MICAL3: variants seen among roughly 807,000 people sequenced by gnomAD.
MICAL3 encodes the protein microtubule associated monooxygenase, calponin and LIM domain containing 3.
MICAL3 carries 62 observed loss-of-function variants against 207.4 expected under a neutral mutation model. The ratio of observed to expected loss-of-function variants is 0.30; its 90% CI spans 0.24 to 0.37. The LOEUF (loss-of-function observed/expected upper bound fraction) is 0.37, where lower values mean the gene tolerates loss of function less well. Ranked by LOEUF, MICAL3 falls within the 10% of genes least tolerant of loss-of-function variation. The pLI, the probability that MICAL3 is intolerant of heterozygous loss-of-function variation, is 1.00. For synonymous variants in MICAL3, 1,077 were observed against 1,069.3 expected, an observed-to-expected ratio of 1.01 and a Z score of -0.14; for missense variants, 2,368 against 2,635.6, an observed-to-expected ratio of 0.90 and a Z score of 2.22.
At chr22:17,917,451 A>G (rs1932602076) in intron 1 of MICAL3, among the ~76,000 whole-genome samples, 1 of 152,152 alleles carries the variant, frequency 6.6e-6, no homozygotes, top group African/African-American at 2.4e-5. Flanking sequence ...CTTCAAATAC[A>G]GCCAAATCCA....
chr22:17,855,081 T>C lies in MICAL3; in HGVS notation c.2605+9818A>G, dbSNP rs1043982456. On this transcript the variant is annotated intron_variant, in intron 19 of 31. Coordinates refer to ENST00000441493, the MANE Select transcript of MICAL3 (RefSeq NM_015241.3). ...AGGTCAGGCCAGGCCGTGCCACACA[T>C]GCCCAGGAGGCTTCCTGAAAACCTC... Among the ~76,000 whole-genome samples, 6 of 152,170 alleles carry C rather than the reference T, an allele frequency of 3.9e-5. No homozygotes were observed. In the South Asian group the frequency reaches 1.2e-3, roughly 32 times the overall value.
chr22:18,016,574 T>C (rs1360763367), intron 1 of MICAL3, among the ~76,000 whole-genome samples: 1 of 152,220 alleles, frequency 6.6e-6, no homozygotes, highest in Non-Finnish European at 1.5e-5. Context: ...GTTTCAACTT[T>C]TCCAGAGTGT....
intron 29 of MICAL3, among the ~76,000 whole-genome samples, chr22:17,804,388 C>T (rs1001290045): frequency 2.0e-5 from 3 of 152,222 alleles, no homozygotes; most frequent in Non-Finnish European, 2.9e-5. Context: ...CTGACTCTAT[C>T]AAATGCCTTG....
Position 17,796,704 on chromosome 22 carries a change from C to T in MICAL3, c.5651-5403G>A, listed in dbSNP as rs796154577. ...GGAGGCCCGATGTCCCTTCCTGCCT[C>T]GTCTTCTGAAGAGGCCCTGAGAGGG... On this transcript the variant is annotated intron_variant, in intron 29 of 31. Coordinates refer to ENST00000441493, the MANE Select transcript of MICAL3 (RefSeq NM_015241.3). This position sits in a 1 kb window ranked among gnomAD's most constrained non-coding sequence, Gnocchi z 4.4. 5.3e-5 allele frequency among the ~76,000 whole-genome samples: 8 copies of T among 152,320 alleles called. No homozygotes were observed. The highest frequency in any genetic ancestry group is 1.9e-4 in the African/African-American group (8 of 41,570).
chr22:18,021,585 A>G (rs1336951867), intron 1 of MICAL3, among the ~76,000 whole-genome samples: 1 of 152,240 alleles, frequency 6.6e-6, no homozygotes, highest in East Asian at 1.9e-4. Context: ...AGCAAAGACT[A>G]AAGGGAAGGA....
intron 1 of MICAL3, among the ~76,000 whole-genome samples, chr22:17,929,534 C>T (rs142875657): frequency 1.3e-5 from 2 of 150,258 alleles, no homozygotes; most frequent in African/African-American, 4.9e-5. Context: ...CCCATCTGTG[C>T]TCTATTTCAT....
intron 11 of MICAL3, among the ~76,000 whole-genome samples, chr22:17,892,851 C>G (rs1375211657): frequency 1.3e-5 from 2 of 152,214 alleles, no homozygotes; most frequent in African/African-American, 4.8e-5. Flanking sequence ...CTCCCTCTGC[C>G]TTGCCTACGC....
At chr22:17,993,735 T>C (rs1921954904) in intron 1 of MICAL3, among the ~76,000 whole-genome samples, 1 of 152,030 alleles carries the variant, frequency 6.6e-6, no homozygotes, top group African/African-American at 2.4e-5. Context: ...TTTCAAGGAA[T>C]ATGCCAACTA....
At chr22:17,994,005 C>A (rs1921991668) in intron 1 of MICAL3, among the ~76,000 whole-genome samples, 1 of 152,198 alleles carries the variant, frequency 6.6e-6, no homozygotes, top group African/African-American at 2.4e-5. Flanking sequence ...GGGATCATAA[C>A]AGCACCCCGT....
At chr22:18,012,997 T>G (rs1335651711) in intron 1 of MICAL3, among the ~76,000 whole-genome samples, 1 of 152,160 alleles carries the variant, frequency 6.6e-6, no homozygotes, top group African/African-American at 2.4e-5. Context: ...CTGGTGGGCA[T>G]GGGGATGGAG....
At chr22:17,851,876 A>C (rs1005185501) in intron 19 of MICAL3, among the ~76,000 whole-genome samples, 6 of 152,238 alleles carry the variant, frequency 3.9e-5, no homozygotes, top group African/African-American at 1.2e-4. Context: ...GGTTCCGGGA[A>C]GCAGCTTGCT....
At chr22:17,990,395 T>C (rs549916608) in intron 1 of MICAL3, among the ~76,000 whole-genome samples, 3 of 152,090 alleles carry the variant, frequency 2.0e-5, no homozygotes, top group African/African-American at 7.2e-5. Context: ...AGAATTCCAT[T>C]CCAAGTTTCA....
rs1929835697 is a variant in MICAL3, at chr22:17,885,996, G to T, written c.2123C>A (p.Thr708Lys). 2 of 1,614,042 alleles carry T rather than the reference G, an allele frequency of 1.2e-6. No homozygotes were observed. The highest frequency in any genetic ancestry group is 1.7e-6 in the Non-Finnish European group (2 of 1,179,900). The part of the protein sequence containing the change: ...GERPTLVSTL[T>K]DRRMDVAVGN... ...AACGGCAACGTCCATCCTCCTGTCT[G>T]TCAGAGTGCTCACCAGGGTCGGTCT... The change falls in exon 16 of 32, where the codon ACA (threonine) becomes AAA (lysine). Residue 708 changes from threonine (T) to lysine (K), a missense_variant. Physicochemically the swap from Thr to Lys is moderately conservative, Grantham distance 78. This residue lies in a region of MICAL3 where 1,770 missense variants were observed against 1,863.2 expected (regional missense o/e 0.95). Coordinates refer to ENST00000441493, the MANE Select transcript of MICAL3 (RefSeq NM_015241.3).
chr22:17,871,840 C>A lies in MICAL3; in HGVS notation c.2425G>T (p.Asp809Tyr), dbSNP rs373733882. 1 of 1,602,818 alleles carries A rather than the reference C, an allele frequency of 6.2e-7. No individual in the cohort carries two copies. The highest frequency in any genetic ancestry group is 8.5e-7 in the Non-Finnish European group (1 of 1,174,652). Residue 809 changes from aspartate to tyrosine, a missense_variant, in exon 17 of 32, where the codon GAT becomes TAT. Asp to Tyr is a radical substitution (Grantham distance 160, BLOSUM62 -3). Coordinates refer to ENST00000441493, the MANE Select transcript of MICAL3 (RefSeq NM_015241.3). ...CCGGAGGCGCAGGGTGTCTCACCAT[C>A]CTCGATGTCGTAGGCGTAGGCCGAG... ...RLSAYAYDIE[D>Y]GKFYCKPHYC...
intron 18 of MICAL3, 112 bp from the exon 19 acceptor site, chr22:17,865,098 T>C (rs1926940530): frequency 1.6e-6 from 1 of 609,242 alleles, no homozygotes; most frequent in Non-Finnish European, 2.2e-6. Flanking sequence ...TATTTATTTA[T>C]TTATTTATTT....
chr22:17,841,726 G>T lies in MICAL3; in HGVS notation c.2801+96C>A. Reference sequence around the variant, plus strand: ...ACTGCGGGCAGCAGGAAAGACAGGAGGCCTCCCTTCACTGAGAAGAAACCG... The same window carrying T: ...ACTGCGGGCAGCAGGAAAGACAGGATGCCTCCCTTCACTGAGAAGAAACCG... On this transcript the variant is annotated intron_variant, in intron 20 of 31. Transcript: ENST00000441493. This position sits in a 1 kb window ranked among gnomAD's most constrained non-coding sequence, Gnocchi z 4.2. 7.8e-7 allele frequency: 1 copy of T among 1,276,030 alleles called. No homozygotes were observed. The highest frequency in any genetic ancestry group is 1.1e-6 in the Non-Finnish European group (1 of 915,302). 79.0% of individuals were successfully genotyped at this position (1,276,030 alleles called of 1,614,324 possible).
chr22:17,933,308 T>A (rs1933360979), intron 1 of MICAL3, among the ~76,000 whole-genome samples: 1 of 152,142 alleles, frequency 6.6e-6, no homozygotes, highest in Non-Finnish European at 1.5e-5. Context: ...TAACTCAGGA[T>A]TAAGAAACTC....
intron 17 of MICAL3, among the ~76,000 whole-genome samples, chr22:17,868,611 A>T (rs1456558119): frequency 6.6e-6 from 1 of 152,190 alleles, no homozygotes; most frequent in Non-Finnish European, 1.5e-5. Flanking sequence ...TATGTTTTTA[A>T]TTAGCTATGA....
chr22:17,921,126 C>A (rs74789330), intron 1 of MICAL3, among the ~76,000 whole-genome samples: 10 of 152,116 alleles, frequency 6.6e-5, no homozygotes, highest in Non-Finnish European at 1.5e-4. Context: ...TTCACAGGTA[C>A]GGGGACATAA....
Sources: allele counts gnomAD v4.1 joint callset (sites outside exome capture counted in the v4.1 genomes callset), GRCh38; gene constraint gnomAD v4.1.1; regional missense constraint gnomAD v4.1.1; non-coding constraint Gnocchi (gnomAD v3.1); transcripts MANE v1.5; gene names NCBI Gene and HGNC (gene_info 2026-07-23, HGNC 2026-07-21).